The following SNRNP35 variants were observed in gnomAD, a reference collection of about 807,000 sequenced individuals.
The protein encoded by SNRNP35 is small nuclear ribonucleoprotein U11/U12 subunit 35.
A neutral mutation model predicts 24.3 loss-of-function variants in SNRNP35; 16 were observed. The ratio of observed to expected loss-of-function variants is 0.66; its 90% CI spans 0.45 to 1.00. The LOEUF is 1.00. Ranked by LOEUF, SNRNP35 falls within the 50% of genes least tolerant of loss-of-function variation. SNRNP35 has a pLI of 0.00. For synonymous variants in SNRNP35, 106 were observed against 124.8 expected, an observed-to-expected ratio of 0.85 and a Z score of 1.00; for missense variants, 292 against 327.2, an observed-to-expected ratio of 0.89 and a Z score of 0.83.
At chr12:123,462,014 C>T (rs557810968) in intron 1 of SNRNP35, among the ~76,000 whole-genome samples, 112 of 152,274 alleles carry the variant, frequency 7.4e-4, no homozygotes, top group African/African-American at 2.2e-3. Context: ...GCCACTGCGC[C>T]GGGCCAGTTC....
intron 1 of SNRNP35, among the ~76,000 whole-genome samples, chr12:123,460,624 A>G (rs952667596): frequency 2.8e-5 from 4 of 140,546 alleles, no homozygotes; most frequent in African/African-American, 1.1e-4. Context: ...AAAAAAAAAA[A>G]GCTGGGTATG....
At chr12:123,464,121 T>A (rs1286520892) in intron 1 of SNRNP35, among the ~76,000 whole-genome samples, 1 of 150,704 alleles carries the variant, frequency 6.6e-6, no homozygotes, top group Non-Finnish European at 1.5e-5. Flanking sequence ...TTAGTTGAGA[T>A]GGGGTTTCTC....
chr12:123,459,563 G>T (rs924261479), intron 1 of SNRNP35: 29 of 293,502 alleles, frequency 9.9e-5, no homozygotes, highest in East Asian at 1.6e-4. Context: ...TGAGGCAGGC[G>T]GGTCATCTGA....
rs1331594074 is a variant in SNRNP35 at position 123,461,270 on chromosome 12, T to C, written c.-4+3054T>C. 1.5e-4 allele frequency among the ~76,000 whole-genome samples: 21 copies of C among 141,166 alleles called. No homozygotes were observed. The South Asian group carries it at 4.4e-3, about 30-fold the overall frequency. 92.6% of individuals were successfully genotyped at this position (141,166 alleles called of 152,430 possible). A position where few individuals can be genotyped will look rare whatever the true frequency, so the allele number is the denominator to read the frequency against. ...AGCTGGGACTACAGGCGCCCACCAC[T>C]ACGCCTGGCTAATTTTTTTTTTTTT... On this transcript the variant is annotated intron_variant, in intron 1 of 1. Transcript: ENST00000526639.
At chr12:123,464,685 A>C (rs1431585077) in intron 1 of SNRNP35, 1 of 152,248 alleles carries the variant, frequency 6.6e-6, no homozygotes. Flanking sequence ...ATGTATCAGA[A>C]GGCATGACAA....
At chr12:123,467,230 A>G (rs1260576176), downstream of SNRNP35, among the ~76,000 whole-genome samples, 1 of 152,266 alleles carries the variant, frequency 6.6e-6, no homozygotes, top group African/African-American at 2.4e-5. Context: ...CTGCACAGCC[A>G]GGTCAGCATT....
At chr12:123,467,124 A>G (rs1485854421), downstream of SNRNP35, among the ~76,000 whole-genome samples, 1 of 152,188 alleles carries the variant, frequency 6.6e-6, no homozygotes, top group Admixed American at 6.5e-5. Context: ...TTCTATCTTT[A>G]TATCCATAGC....
At chr12:123,468,991 A>G (rs1881074148), downstream of SNRNP35, among the ~76,000 whole-genome samples, 1 of 152,010 alleles carries the variant, frequency 6.6e-6, no homozygotes, top group African/African-American at 2.4e-5. Context: ...TATCACCCCC[A>G]TATGGTAGAC....
chr12:123,473,108 T>A (rs957320325), exon 2 of SNRNP35: 36 of 181,862 alleles, frequency 2.0e-4, no homozygotes, highest in African/African-American at 7.8e-4. Flanking sequence ...GTATTTCTAA[T>A]TTAAATAGTT....
At chr12:123,469,244 TC>T (rs1211810676), downstream of SNRNP35, among the ~76,000 whole-genome samples, 3 of 151,760 alleles carry the variant, frequency 2.0e-5, no homozygotes, top group Non-Finnish European at 4.4e-5. Context: ...AAACTCTGCC[TC>T]CCGGGTTCAA....
chr12:123,464,192 T>G (rs1207267410), intron 1 of SNRNP35, among the ~76,000 whole-genome samples: 1 of 151,174 alleles, frequency 6.6e-6, no homozygotes, highest in East Asian at 1.9e-4. Flanking sequence ...CTCAGCCTCC[T>G]AAAGTGCTGG....
intron 1 of SNRNP35, among the ~76,000 whole-genome samples, chr12:123,462,173 A>G (rs1424624503): frequency 6.6e-6 from 1 of 152,186 alleles, no homozygotes; most frequent in Non-Finnish European, 1.5e-5. Context: ...TGAGAAAGAC[A>G]CAGTTGCTTC....
rs768296211 is a variant in SNRNP35 at position 123,466,107 on chromosome 12, C to T, written c.567C>T (p.Ser189=). The T allele has an allele frequency of 6.2e-7, 1 of 1,611,860 alleles. No individual in the cohort carries two copies. Among genetic ancestry groups the T allele is most frequent in the Admixed American group, 1.7e-5 (1 of 59,422 alleles). Residue 189 remains serine, a synonymous_variant, in exon 2 of 2, where the codon TCC becomes TCT. Transcript: ENST00000526639. The part of the protein sequence containing the change: ...GKRERRERSR[S]RERHWDSRTR... ...GGGAAAGGCGGGAGCGATCTCGATC[C>T]CGAGAAAGACACTGGGACTCGAGGA...
Position 123,465,785 on chromosome 12 carries a change from T to G in SNRNP35, c.245T>G (p.Leu82Arg). Reference protein sequence around the residue: ...SRYGDIRRLRLVRDLVTGFSK... With the variant: ...SRYGDIRRLRRVRDLVTGFSK... Reference sequence around the variant, plus strand: ...TATGGTGACATCCGGCGGCTTCGGCTGGTCAGGGACTTGGTCACAGGTTTT... The same window carrying G: ...TATGGTGACATCCGGCGGCTTCGGCGGGTCAGGGACTTGGTCACAGGTTTT... Residue 82 changes from leucine to arginine, a missense_variant, in exon 2 of 2, where the codon CTG becomes CGG. Physicochemically the swap from Leu to Arg is moderately radical, Grantham distance 102. Transcript: ENST00000526639. This position sits in a 1 kb window ranked among gnomAD's most constrained non-coding sequence, Gnocchi z 4.2. 1.2e-6 allele frequency: 2 copies of G among 1,614,152 alleles called. No homozygotes were observed. Among genetic ancestry groups the G allele is most frequent in the Non-Finnish European group, 1.7e-6 (2 of 1,180,020 alleles).
In SNRNP35 at chr12:123,463,852, C is replaced by G. The variant is rs771072145; in HGVS notation, c.-3-1686C>G. On this transcript the variant is annotated intron_variant, in intron 1 of 1. Transcript: ENST00000526639. ...TAATCTCGGCTCACTGCAACCTCGCCTCCTGGGTTCAAGCCACTCTCCTGC... is the reference window on the plus strand; with the variant it reads ...TAATCTCGGCTCACTGCAACCTCGCGTCCTGGGTTCAAGCCACTCTCCTGC... Among the ~76,000 whole-genome samples the G allele has an allele frequency of 9.5e-4, 143 of 151,322 alleles. 1 individual carries two copies. Among genetic ancestry groups the G allele is most frequent in the Non-Finnish European group, 1.3e-3 (88 of 67,848 alleles).
chr12:123,468,906 G>A (rs1234251381), downstream of SNRNP35, among the ~76,000 whole-genome samples: 2 of 152,158 alleles, frequency 1.3e-5, no homozygotes, highest in Non-Finnish European at 2.9e-5. Context: ...GTGACAGTGT[G>A]CAACACTTTT....
chr12:123,468,688 TCAAAA>T (rs1881065156), downstream of SNRNP35, among the ~76,000 whole-genome samples: 1 of 152,070 alleles, frequency 6.6e-6, no homozygotes, highest in Non-Finnish European at 1.5e-5. Context: ...AGACCCTGTC[TCAAAA>T]CAAAAAACAA....
chr12:123,467,611 A>G (rs555830416), downstream of SNRNP35, among the ~76,000 whole-genome samples: 1 of 152,344 alleles, frequency 6.6e-6, no homozygotes, highest in South Asian at 2.1e-4. Flanking sequence ...GCCGTCTTTG[A>G]AAGTTCATAT....
intron 1 of SNRNP35, among the ~76,000 whole-genome samples, chr12:123,461,439 T>A (rs965356879): frequency 1.6e-4 from 24 of 151,990 alleles, no homozygotes; most frequent in South Asian, 8.3e-4. Context: ...TCTTCTTTTT[T>A]TCACGTGGAG....
Sources: gnomAD v4.1 joint callset for allele counts (sites outside exome capture counted in the v4.1 genomes callset) on GRCh38, gnomAD v4.1.1 for gene constraint, Gnocchi (gnomAD v3.1) non-coding constraint, MANE v1.5 for transcripts, NCBI Gene and HGNC (gene_info 2026-07-23, HGNC 2026-07-21) for gene names.